Variants in ASAP3 observed in about 807,000 individuals in gnomAD.
ASAP3 encodes the protein arf-GAP with SH3 domain, ANK repeat and PH domain-containing protein 3.
A neutral mutation model predicts 118.2 loss-of-function variants in ASAP3; 85 were observed. The ratio of observed to expected loss-of-function variants is 0.72; its 90% CI spans 0.60 to 0.86. The LOEUF is 0.86. ASAP3 is among the 40% of genes least tolerant of loss of function. ASAP3 has a pLI of 0.00. For missense variants in ASAP3, 1,026 were observed against 1,175.0 expected, an observed-to-expected ratio of 0.87 and a Z score of 1.85; for synonymous variants, 432 against 477.4, an observed-to-expected ratio of 0.90 and a Z score of 1.24.
rs750257839 is a variant in ASAP3 at position 23,437,440 on chromosome 1, C to T, written c.1135G>A (p.Glu379Lys). Residue 379 changes from glutamate (E) to lysine (K), a missense_variant, in exon 13 of 25, where the codon GAG becomes AAG. Coordinates refer to ENST00000336689, the MANE Select transcript of ASAP3 (RefSeq NM_017707.4). This position sits in a 1 kb window ranked among gnomAD's most constrained non-coding sequence, Gnocchi z 6.1. The part of the protein sequence containing the change: ...NRTYHFQAED[E>K]HECEAWVSVL... ...GGCACTCACGCCTCACACTCGTGCT[C>T]GTCCTCTGCCTGAAAGTGGTACGTC... 4 of 1,613,972 alleles carry T rather than the reference C, an allele frequency of 2.5e-6. No homozygotes were observed. Among genetic ancestry groups the T allele is most frequent in the African/African-American group, 2.7e-5 (2 of 74,916 alleles).
At chr1:23,456,518 G>A (rs1452917048) in intron 1 of ASAP3, among the ~76,000 whole-genome samples, 1 of 152,222 alleles carries the variant, frequency 6.6e-6, no homozygotes, top group Non-Finnish European at 1.5e-5. Flanking sequence ...GCCTCTGGCA[G>A]TAGCTGGTGT....
intron 5 of ASAP3, among the ~76,000 whole-genome samples, chr1:23,447,251 G>C (rs1641075907): frequency 6.6e-6 from 1 of 152,122 alleles, no homozygotes; most frequent in Non-Finnish European, 1.5e-5. Flanking sequence ...TATCAGATTA[G>C]CTGTTTTACT....
At chr1:23,445,739 G>A (rs1231815440) in intron 5 of ASAP3, among the ~76,000 whole-genome samples, 2 of 152,180 alleles carry the variant, frequency 1.3e-5, no homozygotes, top group Admixed American at 1.3e-4. Context: ...TTGGGAGGCT[G>A]AGGTGGGAGG....
chr1:23,466,329 T>C (rs912387055), intron 1 of ASAP3, among the ~76,000 whole-genome samples: 3 of 152,192 alleles, frequency 2.0e-5, no homozygotes, highest in Non-Finnish European at 4.4e-5. Flanking sequence ...CATTCAAAGC[T>C]AAGAGTCAAT....
chr1:23,434,169 C>G (rs1038184560), intron 19 of ASAP3, 85 bp downstream of exon 19: 1 of 1,369,338 alleles, frequency 7.3e-7, no homozygotes, highest in African/African-American at 1.4e-5. Context: ...AGAAGCAAGC[C>G]AGGATTAGAG....
intron 1 of ASAP3, among the ~76,000 whole-genome samples, chr1:23,461,327 G>A (rs1318665035): frequency 2.0e-5 from 3 of 152,064 alleles, no homozygotes; most frequent in Non-Finnish European, 4.4e-5. Context: ...GCCCAATTTT[G>A]CTGTGAACCT....
intron 5 of ASAP3, among the ~76,000 whole-genome samples, chr1:23,448,176 G>T (rs1352048945): frequency 6.6e-6 from 1 of 152,210 alleles, no homozygotes; most frequent in East Asian, 1.9e-4. Context: ...CGAGATCATT[G>T]CAGAAGGAGA....
At chr1:23,439,314 C>G (rs12132844) in intron 10 of ASAP3, 84 bp from the exon 11 acceptor site, 57,521 of 1,257,940 alleles carry the variant, frequency 0.046, 1,518 homozygotes, top group Middle Eastern at 0.11. Context: ...TTGCCCCCAC[C>G]TGTATGATCT....
At chr1:23,455,324 C>T (rs1641347180) in intron 3 of ASAP3, among the ~76,000 whole-genome samples, 1 of 152,192 alleles carries the variant, frequency 6.6e-6, no homozygotes, top group Admixed American at 6.5e-5. Flanking sequence ...GAGGAAAGGA[C>T]TTGAAGGACC....
Position 23,432,967 on chromosome 1 carries a change from GTCA to G in ASAP3, c.2323+107_2323+109del, listed in dbSNP as rs918083908. 50 of 1,248,218 alleles carry G rather than the reference GTCA, an allele frequency of 4.0e-5. No homozygotes were observed. In the East Asian group the frequency reaches 1.1e-3, roughly 27 times the overall value. The allele number at this position is 1,248,218 out of a possible 1,614,324, so 77.3% of individuals were successfully genotyped here. A position where few individuals can be genotyped will look rare whatever the true frequency, so the allele number is the denominator to read the frequency against. ...GAAGATGAGAACCCCTTCCTGGGAG[GTCA>G]TCATAAGGATAGTACGGACTAACAT... On this transcript the variant is annotated intron_variant, in intron 22 of 24. Transcript: ENST00000336689.
intron 1 of ASAP3, among the ~76,000 whole-genome samples, chr1:23,476,623 G>A (rs1642137184): frequency 6.6e-6 from 1 of 152,138 alleles, no homozygotes; most frequent in African/African-American, 2.4e-5. Context: ...TATGCTGCTT[G>A]CCTGTGTACT....
chr1:23,434,905 C>T (rs1002745236), intron 17 of ASAP3, among the ~76,000 whole-genome samples: 1 of 152,192 alleles, frequency 6.6e-6, no homozygotes, highest in African/African-American at 2.4e-5. Context: ...CCACCAAGAC[C>T]TCAGCAACCT....
At position 23,437,528 on chromosome 1, in the gene ASAP3, G is replaced by C. The variant is rs1344917431; in HGVS notation, c.1103-56C>G. The C allele has an allele frequency of 1.9e-6, 3 of 1,604,088 alleles. No individual in the cohort carries two copies. Among genetic ancestry groups the C allele is most frequent in the Non-Finnish European group, 2.6e-6 (3 of 1,174,512 alleles). On this transcript the variant is annotated intron_variant, in intron 12 of 24. Transcript: ENST00000336689. The surrounding 1 kb of genome is among the most constrained non-coding windows in gnomAD (Gnocchi z 6.1). ...CAGAAATGCTGCTGGCCTTCCCGGA[G>C]CCCAGGGAGCCCCCACCAAAGCCGC...
At chr1:23,459,546 T>C (rs1641500299) in intron 1 of ASAP3, among the ~76,000 whole-genome samples, 1 of 152,202 alleles carries the variant, frequency 6.6e-6, no homozygotes, top group Non-Finnish European at 1.5e-5. Flanking sequence ...GACTTTGGAA[T>C]TGGGCTCTGG....
rs372065372 is a variant in ASAP3 at position 23,436,174 on chromosome 1, CT to C, written c.1572-147del. 3,567 of 878,876 alleles carry C rather than the reference CT, an allele frequency of 4.1e-3. 80 individuals are homozygous for C. The African/African-American group carries it at 0.048, about 12-fold the overall frequency. 54.4% of individuals were successfully genotyped at this position (878,876 alleles called of 1,614,324 possible). A position where few individuals can be genotyped will look rare whatever the true frequency, so the allele number is the denominator to read the frequency against. On this transcript the variant is annotated intron_variant, in intron 16 of 24. Transcript: ENST00000336689. This position sits in a 1 kb window ranked among gnomAD's most constrained non-coding sequence, Gnocchi z 4.2. ...GATCTGAGGCTCCCCTCTCCCCAGGCTTTTTTTTTAGACAGTCTCACTCTAT... is the reference window on the plus strand; with the variant it reads ...GATCTGAGGCTCCCCTCTCCCCAGGCTTTTTTTTAGACAGTCTCACTCTAT...
chr1:23,437,266 G>C lies in ASAP3; in HGVS notation c.1206C>G (p.Leu402=). The C allele has an allele frequency of 1.9e-6, 3 of 1,597,254 alleles. No individual in the cohort carries two copies. Residue 402 remains leucine (L), a synonymous_variant, in exon 14 of 25, where the codon CTC becomes CTG. Coordinates refer to ENST00000336689, the MANE Select transcript of ASAP3 (RefSeq NM_017707.4). The surrounding 1 kb of genome is among the most constrained non-coding windows in gnomAD (Gnocchi z 6.1). ...ACCCCGGGCCAGCGCTGGGCTCCCCGAGGAAGGCGCTGCTCAGGGCTTCGT... is the reference window on the plus strand; with the variant it reads ...ACCCCGGGCCAGCGCTGGGCTCCCCCAGGAAGGCGCTGCTCAGGGCTTCGT... ...SKDEALSSAF[L]GEPSAGPGSW...
intron 10 of ASAP3, among the ~76,000 whole-genome samples, chr1:23,440,522 A>G (rs1221656081): frequency 6.9e-6 from 1 of 144,608 alleles, no homozygotes; most frequent in African/African-American, 2.5e-5. Flanking sequence ...AAAAAAAAAA[A>G]AAAAAAAAGA....
rs374777437 is a variant in ASAP3, at chr1:23,452,788, C to T, written c.349-17G>A. 5.8e-5 allele frequency: 94 copies of T among 1,613,016 alleles called. No individual in the cohort carries two copies. The Middle Eastern group carries it at 8.3e-4, about 14-fold the overall frequency. The stretch of plus-strand genomic sequence containing the variant: ...GTTCTGAATCTGGAAAAAACAGAGA[C>T]GCTCATTCCCGCCTCAGGTGACCGG... On this transcript the variant is annotated splice_polypyrimidine_tract_variant and intron_variant, in intron 3 of 24. Transcript: ENST00000336689.
Position 23,429,877 on chromosome 1 carries a change from A to G in ASAP3, c.2691T>C (p.Ser897=), listed in dbSNP as rs1457487394. The G allele has an allele frequency of 1.2e-6, 2 of 1,613,992 alleles. No homozygotes were observed. The change falls in exon 25 of 25, where the codon TCT becomes TCC. Residue 897 remains serine, a synonymous_variant. Coordinates refer to ENST00000336689, the MANE Select transcript of ASAP3 (RefSeq NM_017707.4). ...GGAGCTAGTCTTGCAAAAGTTGCAC[A>G]GAACTTGCTGGGAGACTCCCAGTCC... ...GSRTGSLPAS[S]VQLLQD is the part of the protein sequence containing the mutation.
Sources: allele counts gnomAD v4.1 joint callset (sites outside exome capture counted in the v4.1 genomes callset), GRCh38; gene constraint gnomAD v4.1.1; non-coding constraint Gnocchi (gnomAD v3.1); transcripts MANE v1.5; gene names NCBI Gene and HGNC (gene_info 2026-07-23, HGNC 2026-07-21).